DLG2: variants seen among roughly 807,000 people sequenced by gnomAD.
DLG2 encodes the protein discs large MAGUK scaffold protein 2, also known as disks large homolog 2.
In DLG2, 45 loss-of-function variants were observed where a neutral mutation model predicts 132.5. The observed-to-expected ratio is 0.34, with a 90% CI of 0.27 to 0.44. The LOEUF (loss-of-function observed/expected upper bound fraction) is 0.44, where lower values mean the gene tolerates loss of function less well. DLG2 is among the 20% of genes least tolerant of loss of function. The pLI is 1.00. For synonymous variants in DLG2, 424 were observed against 419.6 expected (o/e 1.01, Z -0.13); for missense variants, 1,045 against 1,196.9 (o/e 0.87, Z 1.87).
chr11:85,620,211 G>T (rs1459051570), intron 2 of DLG2, among the ~76,000 whole-genome samples: 1 of 151,880 alleles, frequency 6.6e-6, no homozygotes, highest in Non-Finnish European at 1.5e-5. Flanking sequence ...AATTGTTTTG[G>T]GGCGCCACAA....
intron 7 of DLG2, among the ~76,000 whole-genome samples, chr11:84,508,414 T>C (rs192910823): frequency 4.6e-5 from 7 of 151,366 alleles, no homozygotes; most frequent in South Asian, 2.1e-4. Context: ...TTTTTTTTTT[T>C]TCTCTTTTTT....
At chr11:83,735,688 C>T (rs1828004551) in intron 18 of DLG2, among the ~76,000 whole-genome samples, 1 of 152,168 alleles carries the variant, frequency 6.6e-6, no homozygotes, top group African/African-American at 2.4e-5. Flanking sequence ...CCCACACGTA[C>T]ATTTTGCTTT....
chr11:84,682,928 G>A (rs889654500), intron 6 of DLG2, among the ~76,000 whole-genome samples: 6 of 152,122 alleles, frequency 3.9e-5, no homozygotes, highest in Non-Finnish European at 8.8e-5. Flanking sequence ...CACTGGTTTG[G>A]TTTTAAATAA....
intron 6 of DLG2, among the ~76,000 whole-genome samples, chr11:84,851,394 G>C (rs1316170673): frequency 6.6e-6 from 1 of 152,022 alleles, no homozygotes; most frequent in Non-Finnish European, 1.5e-5. Context: ...GCCTGGCTCT[G>C]GTCCCTTGAC....
At chr11:84,110,116 C>T (rs2093255518) in intron 9 of DLG2, among the ~76,000 whole-genome samples, 1 of 152,154 alleles carries the variant, frequency 6.6e-6, no homozygotes, top group African/African-American at 2.4e-5. Flanking sequence ...TCTCAAACTC[C>T]AATGCCTATG....
intron 3 of DLG2, among the ~76,000 whole-genome samples, chr11:85,550,635 G>C (rs1158688652): frequency 6.6e-6 from 1 of 152,224 alleles, no homozygotes; most frequent in Non-Finnish European, 1.5e-5. Context: ...GTCCCATGAA[G>C]GGGTCAGGGA....
At chr11:85,610,928 C>G (rs1446679277) in intron 2 of DLG2, among the ~76,000 whole-genome samples, 2 of 152,196 alleles carry the variant, frequency 1.3e-5, no homozygotes, top group Non-Finnish European at 2.9e-5. Flanking sequence ...CCAGACCACT[C>G]TATACTCTAA....
At chr11:85,536,380 T>A (rs2075582264) in intron 3 of DLG2, among the ~76,000 whole-genome samples, 1 of 152,200 alleles carries the variant, frequency 6.6e-6, no homozygotes, top group South Asian at 2.1e-4. Context: ...AAACTTATTC[T>A]CCTGCCCTCC....
intron 18 of DLG2, among the ~76,000 whole-genome samples, chr11:83,767,066 C>T (rs1477203043): frequency 6.6e-6 from 1 of 152,134 alleles, no homozygotes; most frequent in Non-Finnish European, 1.5e-5. Flanking sequence ...TTAGGCACAT[C>T]CAGATAATCT....
chr11:83,498,537 T>C (rs2094272628), intron 21 of DLG2, among the ~76,000 whole-genome samples: 1 of 151,918 alleles, frequency 6.6e-6, no homozygotes, highest in Non-Finnish European at 1.5e-5. Context: ...CCAAAATTTA[T>C]AGGATGTAGC....
chr11:83,592,402 C>A (rs1255446651), intron 19 of DLG2, among the ~76,000 whole-genome samples: 1 of 148,334 alleles, frequency 6.7e-6, no homozygotes, highest in Admixed American at 6.8e-5. Flanking sequence ...AAAGGATTCC[C>A]TATTTAATAA....
chr11:85,609,501 C>T (rs957384755), intron 2 of DLG2, among the ~76,000 whole-genome samples: 5 of 152,112 alleles, frequency 3.3e-5, no homozygotes, highest in Non-Finnish European at 7.4e-5. Context: ...GCCAATCACT[C>T]GGTAGGGCTT....
chr11:84,888,202 T>C (rs2088669318), intron 6 of DLG2, among the ~76,000 whole-genome samples: 1 of 152,126 alleles, frequency 6.6e-6, no homozygotes, highest in South Asian at 2.1e-4. Flanking sequence ...TGAATGTGTC[T>C]GTGAGGGTGT....
chr11:84,036,255 C>G (rs1435053737), intron 11 of DLG2, among the ~76,000 whole-genome samples: 1 of 152,006 alleles, frequency 6.6e-6, no homozygotes, highest in African/African-American at 2.4e-5. Flanking sequence ...CTTATCTAAA[C>G]TTATCTACTT....
At chr11:85,008,451 T>A (rs2058883477) in intron 6 of DLG2, among the ~76,000 whole-genome samples, 1 of 152,120 alleles carries the variant, frequency 6.6e-6, no homozygotes, top group Admixed American at 6.5e-5. Flanking sequence ...CTTGTAAGAT[T>A]AATAGTATAT....
At chr11:85,584,089 T>C (rs926879735) in intron 3 of DLG2, among the ~76,000 whole-genome samples, 1 of 152,050 alleles carries the variant, frequency 6.6e-6, no homozygotes, top group Non-Finnish European at 1.5e-5. Flanking sequence ...ATTTCCAAGA[T>C]TTTGGTGTAC....
chr11:84,856,989 A>AGAG (rs2082877209), intron 6 of DLG2, among the ~76,000 whole-genome samples: 1 of 151,872 alleles, frequency 6.6e-6, no homozygotes. Flanking sequence ...TTTCTATAGG[A>AGAG]GAGGAGTGTC....
At chr11:83,760,187 T>C (rs1330980938) in intron 18 of DLG2, among the ~76,000 whole-genome samples, 6 of 152,180 alleles carry the variant, frequency 3.9e-5, no homozygotes, top group Non-Finnish European at 7.3e-5. Flanking sequence ...ACATGCTCAG[T>C]TCATTAAAAG....
chr11:85,339,723 T>C (rs1047830859), intron 3 of DLG2, among the ~76,000 whole-genome samples: 2 of 152,240 alleles, frequency 1.3e-5, no homozygotes, highest in East Asian at 3.8e-4. Context: ...GACTTCTTTG[T>C]ATATTAAGAA....
Sources: gnomAD v4.1 joint callset for allele counts (sites outside exome capture counted in the v4.1 genomes callset) on GRCh38, gnomAD v4.1.1 for gene constraint, MANE v1.5 for transcripts, NCBI Gene and HGNC (gene_info 2026-07-23, HGNC 2026-07-21) for gene names.